RWDD1: variants seen among roughly 807,000 people sequenced by gnomAD.
RWDD1 encodes RWD domain-containing protein 1.
RWDD1 carries 17 observed loss-of-function variants against 31.6 expected under a neutral mutation model. That is an observed-to-expected ratio of 0.54 (90% CI 0.37 to 0.81). The LOEUF (loss-of-function observed/expected upper bound fraction) is 0.81. Among genes scored for constraint, RWDD1 ranks in the 30% least tolerant of loss-of-function variants. RWDD1 has a pLI of 0.00. For missense variants in RWDD1, 204 were observed against 274.5 expected, an observed-to-expected ratio of 0.74 and a Z score of 1.82; for synonymous variants, 78 against 94.2, an observed-to-expected ratio of 0.83 and a Z score of 0.99.
intron 3 of RWDD1, among the ~76,000 whole-genome samples, 175 bp downstream of exon 3, chr6:116,585,032 T>C (rs555033914): frequency 5.9e-5 from 9 of 152,278 alleles, no homozygotes; most frequent in Non-Finnish European, 1.0e-4. Context: ...CTTTAAAATT[T>C]GAGTAATAGA....
intron 1 of RWDD1, among the ~76,000 whole-genome samples, chr6:116,575,963 G>T (rs1334682089): frequency 6.6e-6 from 1 of 152,222 alleles, no homozygotes; most frequent in Non-Finnish European, 1.5e-5. Flanking sequence ...TTTGGTGAGA[G>T]CTAGCTGGAA....
At chr6:116,591,410 A>G (rs1583336832) in intron 6 of RWDD1, among the ~76,000 whole-genome samples, 2 of 152,306 alleles carry the variant, frequency 1.3e-5, no homozygotes, top group Middle Eastern at 6.8e-3. Context: ...TGTTTTCTTC[A>G]AATTTCTAGT....
chr6:116,584,203 A>G (rs1774998266), intron 2 of RWDD1, among the ~76,000 whole-genome samples: 1 of 152,206 alleles, frequency 6.6e-6, no homozygotes, highest in African/African-American at 2.4e-5. Context: ...GAGAATATAT[A>G]GATGAATTAG....
chr6:116,585,778 T>A (rs1048286976), intron 3 of RWDD1, among the ~76,000 whole-genome samples: 2 of 152,114 alleles, frequency 1.3e-5, no homozygotes, highest in Non-Finnish European at 2.9e-5. Flanking sequence ...TTATGCTAAT[T>A]CTAACATCTT....
At chr6:116,584,180 T>TAA (rs949682500) in intron 2 of RWDD1, among the ~76,000 whole-genome samples, 8 of 152,184 alleles carry the variant, frequency 5.3e-5, no homozygotes, top group Non-Finnish European at 8.8e-5. Context: ...TGACACAGAC[T>TAA]AAAAGAGTGA....
At chr6:116,590,481 C>G in intron 5 of RWDD1, 77 bp downstream of exon 5, 1 of 1,462,948 alleles carries the variant, frequency 6.8e-7, no homozygotes, top group Non-Finnish European at 9.0e-7. Flanking sequence ...ATCATTTGGT[C>G]AGATTTCTGT....
intron 2 of RWDD1, among the ~76,000 whole-genome samples, chr6:116,583,662 A>G: frequency 6.6e-6 from 1 of 151,896 alleles, no homozygotes; most frequent in East Asian, 1.9e-4. Flanking sequence ...TACAATTTTT[A>G]TTTGTCAAGT....
At chr6:116,587,864 A>T (rs1361436278) in intron 3 of RWDD1, among the ~76,000 whole-genome samples, 1 of 152,118 alleles carries the variant, frequency 6.6e-6, no homozygotes, top group Non-Finnish European at 1.5e-5. Context: ...GTTTAGGAAT[A>T]GGTAAGTAGC....
chr6:116,575,731 C>T (rs1409223241), intron 1 of RWDD1, among the ~76,000 whole-genome samples: 7 of 152,192 alleles, frequency 4.6e-5, no homozygotes, highest in Non-Finnish European at 7.3e-5. Context: ...AGCTCTATTT[C>T]AAGAATTCCT....
At chr6:116,581,969 AG>A (rs1245486340) in intron 2 of RWDD1, among the ~76,000 whole-genome samples, 6 of 152,016 alleles carry the variant, frequency 3.9e-5, no homozygotes, top group Admixed American at 6.5e-5. Flanking sequence ...TATTGAATAA[AG>A]ACTTGGAAGT....
chr6:116,571,530 G>A lies in RWDD1; in HGVS notation c.-53G>A. On this transcript the variant is annotated 5_prime_UTR_variant, in exon 1 of 7. Transcript: ENST00000466444. ...TCCCGGCGCGGCAGCTGTCTGGGCTGCTGCGCGCCGCCTAGGTGTCTGGGC... is the reference window on the plus strand; with the variant it reads ...TCCCGGCGCGGCAGCTGTCTGGGCTACTGCGCGCCGCCTAGGTGTCTGGGC... The A allele has an allele frequency of 1.9e-6, 3 of 1,578,652 alleles. No individual in the cohort carries two copies. Among genetic ancestry groups the A allele is most frequent in the Non-Finnish European group, 2.6e-6 (3 of 1,159,698 alleles).
At chr6:116,590,598 T>C (rs1775124451) in intron 5 of RWDD1, among the ~76,000 whole-genome samples, 194 bp downstream of exon 5, 1 of 152,200 alleles carries the variant, frequency 6.6e-6, no homozygotes, top group Non-Finnish European at 1.5e-5. Context: ...TTATCTTTGA[T>C]ATAAGTATTA....
chr6:116,575,150 C>T (rs1490060040), intron 1 of RWDD1, among the ~76,000 whole-genome samples: 1 of 151,950 alleles, frequency 6.6e-6, no homozygotes, highest in African/African-American at 2.4e-5. Flanking sequence ...ACAGTGGCAC[C>T]ATCTTGGGTC....
chr6:116,595,444 A>T lies in RWDD1; in HGVS notation c.*2343A>T, dbSNP rs1333207946. The T allele has an allele frequency of 6.6e-6, 1 of 152,228 alleles. No individual in the cohort carries two copies. The highest frequency in any genetic ancestry group is 1.5e-5 in the Non-Finnish European group (1 of 68,026). The allele number at this position is 152,228 out of a possible 1,614,324, so 9.4% of individuals were successfully genotyped here. On this transcript the variant is annotated 3_prime_UTR_variant, in exon 7 of 7. Transcript: ENST00000466444. ...GTATTCTGGGAATTAGCCCAAGACTATGCTGCTCAAATGGGTGCAAATATA... is the reference window on the plus strand; with the variant it reads ...GTATTCTGGGAATTAGCCCAAGACTTTGCTGCTCAAATGGGTGCAAATATA...
intron 1 of RWDD1, chr6:116,574,165 T>G (rs1774794163): frequency 5.9e-6 from 1 of 168,146 alleles, no homozygotes; most frequent in Non-Finnish European, 1.2e-5. Context: ...GACAAGGTCC[T>G]GCTAAGGTAG....
At chr6:116,588,791 G>A (rs1054185347) in intron 3 of RWDD1, 51 bp from the exon 4 acceptor site, 7 of 1,345,906 alleles carry the variant, frequency 5.2e-6, no homozygotes, top group Non-Finnish European at 7.0e-6. Context: ...TAAATGTATG[G>A]ACTTTTATTT....
At chr6:116,580,166 C>G in intron 1 of RWDD1, 129 bp from the exon 2 acceptor site, 1 of 494,546 alleles carries the variant, frequency 2.0e-6, no homozygotes, top group Non-Finnish European at 3.6e-6. Context: ...TCTGTTCAGT[C>G]TGTATTTGTG....
rs149843338 is a variant in RWDD1 at position 116,587,672 on chromosome 6, A to ATGTG, written c.271-1154_271-1151dup. 3.6e-3 allele frequency among the ~76,000 whole-genome samples: 541 copies of ATGTG among 149,864 alleles called. 4 individuals carry two copies. The highest frequency in any genetic ancestry group is 0.012 in the African/African-American group (498 of 40,844). ...TCTCTCTGTGACTCTCTCTGTGTGT[A>ATGTG]TGTGTGTGTGTGTGTGTGTTTATGT... is the stretch of plus-strand genomic sequence containing the variant. On this transcript the variant is annotated intron_variant, in intron 3 of 6. Coordinates refer to ENST00000466444, the MANE Select transcript of RWDD1 (RefSeq NM_015952.4).
rs138091923 is a variant in RWDD1, at chr6:116,572,925, T to A, written c.73+1270T>A. On this transcript the variant is annotated intron_variant, in intron 1 of 6. Coordinates refer to ENST00000466444, the MANE Select transcript of RWDD1 (RefSeq NM_015952.4). ...CATGTTCTCTCTCACCAGCAGTACA[T>A]CTGTGCTGTGAGGATGTTAAGGGGA... The A allele has an allele frequency of 8.2e-4, 808 of 985,436 alleles. 3 individuals carry two copies. In the African/African-American group the frequency reaches 0.013, roughly 16 times the overall value. 61.0% of individuals were successfully genotyped at this position (985,436 alleles called of 1,614,324 possible). A position where few individuals can be genotyped will look rare whatever the true frequency, so the allele number is the denominator to read the frequency against.
Sources: allele counts gnomAD v4.1 joint callset (sites outside exome capture counted in the v4.1 genomes callset), GRCh38; gene constraint gnomAD v4.1.1; transcripts MANE v1.5; gene names NCBI Gene and HGNC (gene_info 2026-07-23, HGNC 2026-07-21).